The following RTN4RL1 variants were observed in gnomAD, a reference collection of about 807,000 sequenced individuals.
RTN4RL1 encodes the protein reticulon 4 receptor like 1, also known as reticulon-4 receptor-like 1.
RTN4RL1 carries 7 observed loss-of-function variants against 25.6 expected under a neutral mutation model. That is an observed-to-expected ratio of 0.27 (90% CI 0.16 to 0.51). The LOEUF (loss-of-function observed/expected upper bound fraction) is 0.51, where lower values mean the gene tolerates loss of function less well. RTN4RL1 is among the 20% of genes least tolerant of loss of function. RTN4RL1 has a pLI of 0.97. For synonymous variants in RTN4RL1, 297 were observed against 288.2 expected (o/e 1.03, Z -0.31); for missense variants, 500 against 615.6 (o/e 0.81, Z 1.99).
At chr17:2,004,090 C>A (rs187873721) in intron 1 of RTN4RL1, among the ~76,000 whole-genome samples, 2 of 142,742 alleles carry the variant, frequency 1.4e-5, no homozygotes, top group South Asian at 4.4e-4. Flanking sequence ...AAAAGCAGGC[C>A]GGGCGCGGTG....
chr17:1,942,677 T>G (rs1364502561), intron 1 of RTN4RL1, among the ~76,000 whole-genome samples: 1 of 152,118 alleles, frequency 6.6e-6, no homozygotes, highest in African/African-American at 2.4e-5. Context: ...TCCTCCTTTC[T>G]GCAAATCCCC....
chr17:1,945,661 A>C (rs1013161847), intron 1 of RTN4RL1, among the ~76,000 whole-genome samples: 1 of 152,154 alleles, frequency 6.6e-6, no homozygotes, highest in African/African-American at 2.4e-5. Context: ...GCCCTGCTTC[A>C]CTTTACCCCA....
intron 1 of RTN4RL1, among the ~76,000 whole-genome samples, chr17:1,975,680 A>T (rs2066839954): frequency 6.6e-6 from 1 of 152,156 alleles, no homozygotes; most frequent in Non-Finnish European, 1.5e-5. Flanking sequence ...AAAGAAAAAT[A>T]GAAAGCTTTG....
At chr17:1,962,397 G>A (rs749393143) in intron 1 of RTN4RL1, among the ~76,000 whole-genome samples, 11 of 151,668 alleles carry the variant, frequency 7.3e-5, no homozygotes, top group Non-Finnish European at 1.2e-4. Context: ...TCACTCTGTC[G>A]CCCAGGCTGG....
At chr17:1,957,857 A>AAAAC (rs1262955365) in intron 1 of RTN4RL1, among the ~76,000 whole-genome samples, 19 of 118,602 alleles carry the variant, frequency 1.6e-4, no homozygotes, top group Admixed American at 1.2e-3. Flanking sequence ...CAACAACAAC[A>AAAAC]AAACAAACAA....
At chr17:1,970,914 C>A (rs949574921) in intron 1 of RTN4RL1, among the ~76,000 whole-genome samples, 3 of 152,144 alleles carry the variant, frequency 2.0e-5, no homozygotes, top group Admixed American at 1.3e-4. Flanking sequence ...GAGACCCTCT[C>A]CCTAGAGAAG....
At chr17:1,942,070 C>T (rs780031634) in intron 1 of RTN4RL1, among the ~76,000 whole-genome samples, 15 of 152,160 alleles carry the variant, frequency 9.9e-5, no homozygotes, top group Non-Finnish European at 1.9e-4. Context: ...CCAGCCTCCT[C>T]GTCCCCTCCT....
intron 1 of RTN4RL1, among the ~76,000 whole-genome samples, chr17:1,940,406 G>A (rs557400687): frequency 4.6e-5 from 7 of 152,246 alleles, no homozygotes; most frequent in Admixed American, 3.3e-4. Flanking sequence ...AGGCTGGGCC[G>A]AGGCTGCTGC....
At chr17:1,946,198 CCAAA>C (rs1915534825) in intron 1 of RTN4RL1, among the ~76,000 whole-genome samples, 1 of 152,164 alleles carries the variant, frequency 6.6e-6, no homozygotes, top group South Asian at 2.1e-4. Flanking sequence ...CAGGACAGTC[CCAAA>C]CAAACCAACC....
At chr17:1,965,736 CAGG>C (rs2066787780) in intron 1 of RTN4RL1, among the ~76,000 whole-genome samples, 1 of 152,206 alleles carries the variant, frequency 6.6e-6, no homozygotes, top group Non-Finnish European at 1.5e-5. Flanking sequence ...CTGGCCCCGC[CAGG>C]CCCCCACTGC....
chr17:1,967,347 C>T (rs1168564600), intron 1 of RTN4RL1, among the ~76,000 whole-genome samples: 4 of 152,218 alleles, frequency 2.6e-5, no homozygotes, highest in Non-Finnish European at 5.9e-5. Flanking sequence ...AGCTGCCTTC[C>T]TGGTCTAGAT....
chr17:1,989,221 C>T (rs998134487), intron 1 of RTN4RL1, among the ~76,000 whole-genome samples: 4 of 152,082 alleles, frequency 2.6e-5, no homozygotes, highest in Admixed American at 2.0e-4. Context: ...AGGAGATGGA[C>T]TCAACTGATG....
At chr17:1,967,378 C>A (rs2066796402) in intron 1 of RTN4RL1, among the ~76,000 whole-genome samples, 1 of 152,112 alleles carries the variant, frequency 6.6e-6, no homozygotes, top group African/African-American at 2.4e-5. Context: ...GCATCCTCAG[C>A]TCCCCGCCCC....
intron 1 of RTN4RL1, among the ~76,000 whole-genome samples, chr17:1,980,829 G>A (rs1464366779): frequency 7.2e-6 from 1 of 138,640 alleles, no homozygotes; most frequent in East Asian, 2.1e-4. Flanking sequence ...TCAGGAGGCT[G>A]AGGCAGGAGA....
chr17:1,963,237 C>T (rs1597497522), intron 1 of RTN4RL1, among the ~76,000 whole-genome samples: 6 of 152,358 alleles, frequency 3.9e-5, no homozygotes, highest in Admixed American at 3.9e-4. Context: ...GAGCCACCAG[C>T]CCCTCTGGGC....
At chr17:2,017,356 G>A (rs551044392) in intron 1 of RTN4RL1, among the ~76,000 whole-genome samples, 2 of 152,348 alleles carry the variant, frequency 1.3e-5, no homozygotes, top group East Asian at 1.9e-4. Context: ...GTGGCCCATC[G>A]CTGGGGGCTG....
intron 1 of RTN4RL1, among the ~76,000 whole-genome samples, chr17:2,007,873 AAGG>A (rs1459900882): frequency 6.6e-6 from 1 of 150,696 alleles, no homozygotes; most frequent in Non-Finnish European, 1.5e-5. Flanking sequence ...TTGACCCTGG[AAGG>A]AGGAGGCTGC....
In RTN4RL1 at chr17:1,990,856, C is replaced by T. The variant is rs150715559; in HGVS notation, c.13+33997G>A. Among the ~76,000 whole-genome samples, 42 of 152,306 alleles carry T rather than the reference C, an allele frequency of 2.8e-4. No individual in the cohort carries two copies. In the East Asian group the frequency reaches 8.1e-3, roughly 29 times the overall value. On this transcript the variant is annotated intron_variant, in intron 1 of 1. Coordinates refer to ENST00000331238, the MANE Select transcript of RTN4RL1 (RefSeq NM_178568.4). Reference sequence around the variant, plus strand: ...TCTATCACACTGTTGTTTCGCTCTACCTCTTAAAGTCTCTCTGAGCTGTGT... The same window carrying T: ...TCTATCACACTGTTGTTTCGCTCTATCTCTTAAAGTCTCTCTGAGCTGTGT...
Position 1,935,711 on chromosome 17 carries a change from GTATA to G in RTN4RL1, c.*781_*784del, listed in dbSNP as rs58785478. The G allele has an allele frequency of 0.034, 5,485 of 159,552 alleles. 377 individuals carry two copies. Among genetic ancestry groups the G allele is most frequent in the Admixed American group, 0.049 (379 of 7,664 alleles). 9.9% of individuals were successfully genotyped at this position (159,552 alleles called of 1,614,324 possible). On this transcript the variant is annotated 3_prime_UTR_variant, in exon 2 of 2. Coordinates refer to ENST00000331238, the MANE Select transcript of RTN4RL1 (RefSeq NM_178568.4). ...AGTGGGAGGGGGACTGTGCATTTGT[GTATA>G]TATATATATATATATATATATATAT...
Sources: gnomAD v4.1 joint callset for allele counts (sites outside exome capture counted in the v4.1 genomes callset) on GRCh38, gnomAD v4.1.1 for gene constraint, MANE v1.5 for transcripts, NCBI Gene and HGNC (gene_info 2026-07-23, HGNC 2026-07-21) for gene names.